The following SNX33 variants were observed in gnomAD, a reference collection of about 807,000 sequenced individuals.
SNX33 encodes sorting nexin 33, also known as sorting nexin-33.
SNX33 carries 19 observed loss-of-function variants against 38.8 expected under a neutral mutation model. The observed-to-expected ratio is 0.49, with a 90% CI of 0.34 to 0.72. The LOEUF (loss-of-function observed/expected upper bound fraction) is 0.72. SNX33 is among the 30% of genes least tolerant of loss of function. The pLI, the probability that SNX33 is intolerant of heterozygous loss-of-function variation, is 0.01. For missense variants in SNX33, 641 were observed against 776.4 expected, an observed-to-expected ratio of 0.83 and a Z score of 2.07; for synonymous variants, 246 against 289.7, an observed-to-expected ratio of 0.85 and a Z score of 1.53.
Position 75,650,322 on chromosome 15 carries a change from T to TG in SNX33, c.1226dup (p.Phe410LeufsTer28). ...GCATCAGAGCTGGTGCGTAAACATG[T>TG]GGGGGGCTTCCGCAAGGAATTCCAG... is the stretch of plus-strand genomic sequence containing the variant. On this transcript the variant is annotated frameshift_variant, in exon 1 of 2. Coordinates refer to ENST00000308527, the MANE Select transcript of SNX33 (RefSeq NM_153271.2). LOFTEE classifies it high-confidence loss of function. The surrounding 1 kb of genome is among the most constrained non-coding windows in gnomAD (Gnocchi z 6.1). 6.3e-7 allele frequency: 1 copy of TG among 1,597,996 alleles called. No individual in the cohort carries two copies. The highest frequency in any genetic ancestry group is 8.5e-7 in the Non-Finnish European group (1 of 1,170,930).
In SNX33 at chr15:75,658,209, G is replaced by A. The variant is rs1188240523; in HGVS notation, c.*994G>A. 1 of 152,614 alleles carries A rather than the reference G, an allele frequency of 6.6e-6. No individual in the cohort carries two copies. The highest frequency in any genetic ancestry group is 2.4e-5 in the African/African-American group (1 of 41,416). 9.5% of individuals were successfully genotyped at this position (152,614 alleles called of 1,614,324 possible). A position where few individuals can be genotyped will look rare whatever the true frequency, so the allele number is the denominator to read the frequency against. Reference sequence around the variant, plus strand: ...GACTCTCAAAAGTGACTGTATATTTGAGTTCACCAGCAATAACTCCCCACA... The same window carrying A: ...GACTCTCAAAAGTGACTGTATATTTAAGTTCACCAGCAATAACTCCCCACA... On this transcript the variant is annotated 3_prime_UTR_variant, in exon 2 of 2. Transcript: ENST00000308527. This position sits in a 1 kb window ranked among gnomAD's most constrained non-coding sequence, Gnocchi z 4.1.
chr15:75,650,645 G>T lies in SNX33; in HGVS notation c.1471+72G>T. On this transcript the variant is annotated intron_variant, in intron 1 of 1. Coordinates refer to ENST00000308527, the MANE Select transcript of SNX33 (RefSeq NM_153271.2). The surrounding 1 kb of genome is among the most constrained non-coding windows in gnomAD (Gnocchi z 6.1). ...GCTGGGCCCTGGGGAGATGGGGATGGCCTGGATAGAATGGAGCAACTTGTC... is the reference window on the plus strand; with the variant it reads ...GCTGGGCCCTGGGGAGATGGGGATGTCCTGGATAGAATGGAGCAACTTGTC... The T allele has an allele frequency of 1.3e-6, 2 of 1,491,278 alleles. No homozygotes were observed. Among genetic ancestry groups the T allele is most frequent in the Non-Finnish European group, 1.8e-6 (2 of 1,116,724 alleles). The allele number at this position is 1,491,278 out of a possible 1,614,324, so 92.4% of individuals were successfully genotyped here. A position where few individuals can be genotyped will look rare whatever the true frequency, so the allele number is the denominator to read the frequency against.
chr15:75,660,398 C>G lies in SNX33; in HGVS notation c.*3183C>G, dbSNP rs1893709154. 2 of 152,336 alleles carry G rather than the reference C, an allele frequency of 1.3e-5. No homozygotes were observed. The highest frequency in any genetic ancestry group is 2.9e-5 in the Non-Finnish European group (2 of 68,084). The allele number at this position is 152,336 out of a possible 1,614,324, so 9.4% of individuals were successfully genotyped here. A position where few individuals can be genotyped will look rare whatever the true frequency, so the allele number is the denominator to read the frequency against. The stretch of plus-strand genomic sequence containing the variant: ...AGGCAGGTGGCCCCATCGGCCCCTG[C>G]TCTGCACCACCCCTCCCAGATGACA... On this transcript the variant is annotated 3_prime_UTR_variant, in exon 2 of 2. Coordinates refer to ENST00000308527, the MANE Select transcript of SNX33 (RefSeq NM_153271.2).
At position 75,649,912 on chromosome 15, in the gene SNX33, T is replaced by C. The variant is rs1160763019; in HGVS notation, c.810T>C (p.Phe270=). The C allele has an allele frequency of 1.9e-6, 3 of 1,583,184 alleles. No homozygotes were observed. The highest frequency in any genetic ancestry group is 2.6e-6 in the Non-Finnish European group (3 of 1,166,148). ...ASPVYRRYKH[F]DWLYNRLLHK... ...CCGTCTACCGGCGCTACAAACACTT[T>C]GACTGGCTCTATAACCGCCTGCTAC... The change falls in exon 1 of 2, where the codon TTT becomes TTC. Residue 270 remains phenylalanine, a synonymous_variant. Transcript: ENST00000308527. This position sits in a 1 kb window ranked among gnomAD's most constrained non-coding sequence, Gnocchi z 6.6.
chr15:75,650,528 C>A lies in SNX33; in HGVS notation c.1426C>A (p.Gln476Lys). 6.8e-6 allele frequency: 11 copies of A among 1,611,078 alleles called. No homozygotes were observed. Among genetic ancestry groups the A allele is most frequent in the Non-Finnish European group, 9.3e-6 (11 of 1,178,828 alleles). The change falls in exon 1 of 2, where the codon CAG becomes AAG. Residue 476 changes from glutamine (Q) to lysine (K), a missense_variant. By Grantham distance (53) the Gln-to-Lys change is moderately conservative. Coordinates refer to ENST00000308527, the MANE Select transcript of SNX33 (RefSeq NM_153271.2). The surrounding 1 kb of genome is among the most constrained non-coding windows in gnomAD (Gnocchi z 6.1). Reference sequence around the variant, plus strand: ...GATGCTGGACACACTGTCTCTCTACCAGGGCCTGCTCTCCAACTTCCCTGA... The same window carrying A: ...GATGCTGGACACACTGTCTCTCTACAAGGGCCTGCTCTCCAACTTCCCTGA... ...FQMLDTLSLY[Q>K]GLLSNFPDII...
intron 1 of SNX33, among the ~76,000 whole-genome samples, chr15:75,653,831 C>T (rs1595999456): frequency 6.6e-6 from 1 of 152,126 alleles, no homozygotes; most frequent in Non-Finnish European, 1.5e-5. Context: ...CTTCCCTCTA[C>T]CGCTCATCCT....
intron 1 of SNX33, among the ~76,000 whole-genome samples, chr15:75,653,833 G>C (rs916319132): frequency 3.9e-5 from 6 of 152,094 alleles, no homozygotes; most frequent in Non-Finnish European, 8.8e-5. Flanking sequence ...TCCCTCTACC[G>C]CTCATCCTGT....
rs372586273 is a variant in SNX33, at chr15:75,649,726, C to T, written c.624C>T (p.Ile208=). 32 of 1,541,634 alleles carry T rather than the reference C, an allele frequency of 2.1e-5. No individual in the cohort carries two copies. The highest frequency in any genetic ancestry group is 4.5e-5 in the East Asian group (2 of 43,968). Residue 208 remains isoleucine, a synonymous_variant, in exon 1 of 2, where the codon ATC becomes ATT. Transcript: ENST00000308527. This position sits in a 1 kb window ranked among gnomAD's most constrained non-coding sequence, Gnocchi z 6.6. The part of the protein sequence containing the change: ...ILGDVPMMAK[I]AETYSIEMGP... ...GTGATGTGCCCATGATGGCCAAGAT[C>T]GCTGAGACATACTCCATTGAAATGG...
Position 75,657,573 on chromosome 15 carries a change from C to G in SNX33, c.*358C>G, listed in dbSNP as rs1408587180. On this transcript the variant is annotated 3_prime_UTR_variant, in exon 2 of 2. Coordinates refer to ENST00000308527, the MANE Select transcript of SNX33 (RefSeq NM_153271.2). The surrounding 1 kb of genome is among the most constrained non-coding windows in gnomAD (Gnocchi z 5.5). ...CTTATCCATTCAGCAGACACCGAGG[C>G]CTGCTGCACCCTTGGGTCGGATGCT... The G allele has an allele frequency of 6.0e-6, 2 of 331,346 alleles. No individual in the cohort carries two copies. The highest frequency in any genetic ancestry group is 1.2e-5 in the Non-Finnish European group (2 of 172,408). 20.5% of individuals were successfully genotyped at this position (331,346 alleles called of 1,614,324 possible).
chr15:75,657,322 G>A lies in SNX33; in HGVS notation c.*107G>A. 1.3e-6 allele frequency: 2 copies of A among 1,542,738 alleles called. No homozygotes were observed. The highest frequency in any genetic ancestry group is 1.8e-6 in the Non-Finnish European group (2 of 1,142,086). On this transcript the variant is annotated 3_prime_UTR_variant, in exon 2 of 2. Coordinates refer to ENST00000308527, the MANE Select transcript of SNX33 (RefSeq NM_153271.2). The surrounding 1 kb of genome is among the most constrained non-coding windows in gnomAD (Gnocchi z 5.5). ...GTGACTGGGGGAGGGGTCAGCGGTGGGGGAGATAAGCGGCCTGTCCTGCCT... is the reference window on the plus strand; with the variant it reads ...GTGACTGGGGGAGGGGTCAGCGGTGAGGGAGATAAGCGGCCTGTCCTGCCT...
At position 75,648,367 on chromosome 15, in the gene SNX33, G is replaced by A; in HGVS notation, c.-736G>A. The A allele has an allele frequency of 1.0e-6, 1 of 985,452 alleles. No homozygotes were observed. Among genetic ancestry groups the A allele is most frequent in the Non-Finnish European group, 1.2e-6 (1 of 829,958 alleles). 61.0% of individuals were successfully genotyped at this position (985,452 alleles called of 1,614,324 possible). A position where few individuals can be genotyped will look rare whatever the true frequency, so the allele number is the denominator to read the frequency against. ...CGGGGAGAGGGCGCCCGAGCCGGCG[G>A]GGGCTCCGGCTGCGCAGCCGGGGTC... On this transcript the variant is annotated 5_prime_UTR_variant, in exon 1 of 2. Coordinates refer to ENST00000308527, the MANE Select transcript of SNX33 (RefSeq NM_153271.2). This position sits in a 1 kb window ranked among gnomAD's most constrained non-coding sequence, Gnocchi z 4.4.
At chr15:75,656,801 G>A (rs1664983209) in intron 1 of SNX33, among the ~76,000 whole-genome samples, 161 bp from the exon 2 acceptor site, 1 of 152,162 alleles carries the variant, frequency 6.6e-6, no homozygotes, top group African/African-American at 2.4e-5. Flanking sequence ...GATGGCTTGG[G>A]TAACATCCTG....
In SNX33 at chr15:75,659,666, T is replaced by A. The variant is rs1300378538; in HGVS notation, c.*2451T>A. ...CTCCTAACCCATGGTGCCTGGAAAG[T>A]CCCCTGCTCATGCTTCCTGCTCTGG... On this transcript the variant is annotated 3_prime_UTR_variant, in exon 2 of 2. Coordinates refer to ENST00000308527, the MANE Select transcript of SNX33 (RefSeq NM_153271.2). 2 of 152,482 alleles carry A rather than the reference T, an allele frequency of 1.3e-5. No individual in the cohort carries two copies. The highest frequency in any genetic ancestry group is 4.8e-5 in the African/African-American group (2 of 41,436). The allele number at this position is 152,482 out of a possible 1,614,324, so 9.4% of individuals were successfully genotyped here. A position where few individuals can be genotyped will look rare whatever the true frequency, so the allele number is the denominator to read the frequency against.
In SNX33 at chr15:75,649,697, C is replaced by T; in HGVS notation, c.595C>T (p.Leu199=). Residue 199 remains leucine (L), a synonymous_variant, in exon 1 of 2, where the codon CTG becomes TTG. Transcript: ENST00000308527. This position sits in a 1 kb window ranked among gnomAD's most constrained non-coding sequence, Gnocchi z 6.6. ...GCGTTCTGGAGTGGAGGCCTTCATC[C>T]TGGGTGATGTGCCCATGATGGCCAA... ...FVRSGVEAFI[L]GDVPMMAKIA... 1 of 1,560,174 alleles carries T rather than the reference C, an allele frequency of 6.4e-7. No individual in the cohort carries two copies. The highest frequency in any genetic ancestry group is 8.7e-7 in the Non-Finnish European group (1 of 1,148,934).
chr15:75,651,533 G>A (rs527556785), intron 1 of SNX33, among the ~76,000 whole-genome samples: 2 of 152,344 alleles, frequency 1.3e-5, no homozygotes, highest in Admixed American at 1.3e-4. Context: ...TCACACAGGG[G>A]CACTCTGGCT....
rs1226158006 is a variant in SNX33 at position 75,650,434 on chromosome 15, T to C, written c.1332T>C (p.Ser444=). 7 of 1,613,940 alleles carry C rather than the reference T, an allele frequency of 4.3e-6. No individual in the cohort carries two copies. The highest frequency in any genetic ancestry group is 5.9e-6 in the Non-Finnish European group (7 of 1,180,012). Residue 444 remains serine, a synonymous_variant, in exon 1 of 2, where the codon TCT becomes TCC. Transcript: ENST00000308527. The surrounding 1 kb of genome is among the most constrained non-coding windows in gnomAD (Gnocchi z 6.1). ...CTGAGGCCCTCAACAGTGCCATTTC[T>C]CACACGGGCCGTACCTATGAAGCCA... ...FCSEALNSAI[S]HTGRTYEAIG...
At chr15:75,651,501 C>T (rs142645020) in intron 1 of SNX33, among the ~76,000 whole-genome samples, 118 of 152,296 alleles carry the variant, frequency 7.7e-4, no homozygotes, top group African/African-American at 2.6e-3. Flanking sequence ...CATGAACTGC[C>T]GGGGAAATGA....
rs1270629908 is a variant in SNX33, at chr15:75,649,300, C to T, written c.198C>T (p.Asn66=). The T allele has an allele frequency of 6.2e-7, 1 of 1,608,158 alleles. No individual in the cohort carries two copies. Among genetic ancestry groups the T allele is most frequent in the Non-Finnish European group, 8.5e-7 (1 of 1,176,390 alleles). ...TCGTCCGTTCTGGCATCAGCACCAA[C>T]CATGCTGACTACTCCAGCAGCCCTG... ...VEIVRSGIST[N]HADYSSSPAG... Residue 66 remains asparagine (N), a synonymous_variant, in exon 1 of 2, where the codon AAC becomes AAT. Coordinates refer to ENST00000308527, the MANE Select transcript of SNX33 (RefSeq NM_153271.2). This position sits in a 1 kb window ranked among gnomAD's most constrained non-coding sequence, Gnocchi z 6.6.
Position 75,650,720 on chromosome 15 carries a change from A to G in SNX33, c.1471+147A>G, listed in dbSNP as rs115685105. Reference sequence around the variant, plus strand: ...ATTTAACAAATGTGTTGGGCTGGGCACGGTGGCTTACGCTTGTAATCTCAG... The same window carrying G: ...ATTTAACAAATGTGTTGGGCTGGGCGCGGTGGCTTACGCTTGTAATCTCAG... On this transcript the variant is annotated intron_variant, in intron 1 of 1. Transcript: ENST00000308527. The surrounding 1 kb of genome is among the most constrained non-coding windows in gnomAD (Gnocchi z 6.1). 6.5e-4 allele frequency: 742 copies of G among 1,134,338 alleles called. 3 individuals carry two copies. The African/African-American group carries it at 0.011, about 16-fold the overall frequency. The allele number at this position is 1,134,338 out of a possible 1,614,324, so 70.3% of individuals were successfully genotyped here.
Sources: allele counts gnomAD v4.1 joint callset (sites outside exome capture counted in the v4.1 genomes callset), GRCh38; gene constraint gnomAD v4.1.1; non-coding constraint Gnocchi (gnomAD v3.1); transcripts MANE v1.5; gene names NCBI Gene and HGNC (gene_info 2026-07-23, HGNC 2026-07-21).